The following RABGAP1L variants were observed in gnomAD, a reference collection of about 807,000 sequenced individuals.
The protein encoded by RABGAP1L is rab GTPase-activating protein 1-like.
RABGAP1L carries 63 observed loss-of-function variants against 137.7 expected under a neutral mutation model. The ratio of observed to expected loss-of-function variants is 0.46; its 90% CI spans 0.37 to 0.56. The LOEUF (loss-of-function observed/expected upper bound fraction) is 0.56. Among genes scored for constraint, RABGAP1L ranks in the 20% least tolerant of loss-of-function variants. RABGAP1L has a pLI of 0.00. For synonymous variants in RABGAP1L, 431 were observed against 433.7 expected (o/e 0.99, Z 0.08); for missense variants, 1,095 against 1,244.0 (o/e 0.88, Z 1.80).
At chr1:174,765,601 T>A (rs978038018) in intron 18 of RABGAP1L, among the ~76,000 whole-genome samples, 6 of 146,196 alleles carry the variant, frequency 4.1e-5, no homozygotes, top group African/African-American at 1.5e-4. Flanking sequence ...TCCAGCAAAT[T>A]TTTTTTTTTT....
intron 13 of RABGAP1L, among the ~76,000 whole-genome samples, chr1:174,578,361 T>A (rs1172630778): frequency 6.6e-6 from 1 of 152,092 alleles, no homozygotes; most frequent in Non-Finnish European, 1.5e-5. Flanking sequence ...ATTTTTTGAT[T>A]TTTTTATAGA....
In RABGAP1L at chr1:174,435,961, C is replaced by T. The variant is rs149787085; in HGVS notation, c.1710+41816C>T. Among the ~76,000 whole-genome samples, 164 of 152,184 alleles carry T rather than the reference C, an allele frequency of 1.1e-3. 1 individual carries two copies. Among genetic ancestry groups the T allele is most frequent in the Admixed American group, 8.5e-3 (130 of 15,288 alleles). ...GAGAATGATGGTTTCCAGCTTCATC[C>T]GTGTCCCTACAAAGGACATGAACTC... On this transcript the variant is annotated intron_variant, in intron 13 of 25. Transcript: ENST00000681986.
intron 3 of RABGAP1L, among the ~76,000 whole-genome samples, chr1:174,230,159 A>G (rs1670518031): frequency 6.6e-6 from 1 of 151,398 alleles, no homozygotes; most frequent in Non-Finnish European, 1.5e-5. Context: ...AAAAAACCAA[A>G]CACCGCATGT....
intron 19 of RABGAP1L, among the ~76,000 whole-genome samples, chr1:174,820,391 A>G (rs1338634159): frequency 6.6e-6 from 1 of 152,130 alleles, no homozygotes; most frequent in Non-Finnish European, 1.5e-5. Context: ...ATTTCAAGCT[A>G]CCAATGACTT....
At chr1:174,923,389 A>G (rs1022161650) in intron 19 of RABGAP1L, among the ~76,000 whole-genome samples, 4 of 152,162 alleles carry the variant, frequency 2.6e-5, no homozygotes, top group Non-Finnish European at 4.4e-5. Context: ...AAGACATGTC[A>G]AGTGTATATG....
chr1:174,249,701 G>T lies in RABGAP1L; in HGVS notation c.718-774G>T, dbSNP rs189323040. On this transcript the variant is annotated intron_variant, in intron 5 of 25. Coordinates refer to ENST00000681986, the MANE Select transcript of RABGAP1L (RefSeq NM_001366446.1). ...TGCTCTGTCACCCAGGCTGGAGTGC[G>T]GTGGTGCAATGGCTCACTGCAACCT... 1.2e-3 allele frequency among the ~76,000 whole-genome samples: 175 copies of T among 149,770 alleles called. 1 individual carries two copies. The highest frequency in any genetic ancestry group is 4.2e-3 in the African/African-American group (171 of 40,614).
At chr1:174,651,532 A>G (rs1205190762) in intron 14 of RABGAP1L, among the ~76,000 whole-genome samples, 1 of 152,116 alleles carries the variant, frequency 6.6e-6, no homozygotes, top group East Asian at 1.9e-4. Flanking sequence ...TATTGGGTGC[A>G]TATATATTTA....
At chr1:174,968,163 A>G (rs1669808296) in intron 20 of RABGAP1L, among the ~76,000 whole-genome samples, 1 of 152,248 alleles carries the variant, frequency 6.6e-6, no homozygotes, top group Non-Finnish European at 1.5e-5. Flanking sequence ...TAGAAGATAC[A>G]ATTAACTTCA....
At chr1:174,526,258 A>G (rs567770037) in intron 13 of RABGAP1L, among the ~76,000 whole-genome samples, 8 of 151,980 alleles carry the variant, frequency 5.3e-5, no homozygotes, top group Non-Finnish European at 5.9e-5. Flanking sequence ...AGGATTTTAC[A>G]TCTGTGTTCT....
intron 18 of RABGAP1L, among the ~76,000 whole-genome samples, chr1:174,787,590 G>A (rs904664511): frequency 6.6e-6 from 1 of 152,170 alleles, no homozygotes; most frequent in African/African-American, 2.4e-5. Flanking sequence ...GGGTCAAGGT[G>A]ACAGATGCAA....
chr1:174,290,312 A>G (rs1307401246), intron 10 of RABGAP1L, among the ~76,000 whole-genome samples: 2 of 152,186 alleles, frequency 1.3e-5, no homozygotes, highest in African/African-American at 4.8e-5. Flanking sequence ...AAGAGATATA[A>G]TTTGGCCTTT....
intron 13 of RABGAP1L, among the ~76,000 whole-genome samples, chr1:174,624,090 C>G (rs1335275342): frequency 1.3e-5 from 2 of 152,186 alleles, no homozygotes; most frequent in South Asian, 2.1e-4. Context: ...TCTCTCTCAA[C>G]TTGTTCTTTT....
At chr1:174,904,110 G>A (rs899302510) in intron 19 of RABGAP1L, among the ~76,000 whole-genome samples, 3 of 152,024 alleles carry the variant, frequency 2.0e-5, no homozygotes, top group Admixed American at 6.6e-5. Flanking sequence ...CAGTCAGTAG[G>A]AGAACTGAAC....
intron 14 of RABGAP1L, among the ~76,000 whole-genome samples, chr1:174,678,873 G>T (rs1467084693): frequency 6.6e-6 from 1 of 152,260 alleles, no homozygotes; most frequent in Non-Finnish European, 1.5e-5. Flanking sequence ...TGGATCAGGA[G>T]CACAGCAGAC....
chr1:174,604,957 A>G (rs1670671605), intron 13 of RABGAP1L, among the ~76,000 whole-genome samples: 1 of 152,134 alleles, frequency 6.6e-6, no homozygotes, highest in Non-Finnish European at 1.5e-5. Flanking sequence ...CCTGGCCAAC[A>G]TTGTGAAACC....
At chr1:174,610,797 G>C (rs1671169388) in intron 13 of RABGAP1L, among the ~76,000 whole-genome samples, 2 of 152,158 alleles carry the variant, frequency 1.3e-5, no homozygotes, top group African/African-American at 4.8e-5. Flanking sequence ...GCATTTCTCT[G>C]ATGGCCAGTG....
intron 13 of RABGAP1L, among the ~76,000 whole-genome samples, chr1:174,582,470 TG>T (rs1290038010): frequency 6.6e-6 from 1 of 152,024 alleles, no homozygotes; most frequent in East Asian, 1.9e-4. Context: ...AACCTGGCAG[TG>T]GTGCGTGCCT....
chr1:174,755,000 A>G (rs1244477258), intron 18 of RABGAP1L, among the ~76,000 whole-genome samples: 1 of 152,220 alleles, frequency 6.6e-6, no homozygotes, highest in East Asian at 1.9e-4. Context: ...TAGAATAGTA[A>G]TGGTATTAGC....
intron 11 of RABGAP1L, among the ~76,000 whole-genome samples, chr1:174,352,512 C>T (rs369705543): frequency 7.9e-5 from 12 of 152,112 alleles, no homozygotes; most frequent in East Asian, 3.8e-4. Context: ...TTTCTCAGAG[C>T]AGCTATTTCG....
Sources: gnomAD v4.1 joint callset for allele counts (sites outside exome capture counted in the v4.1 genomes callset) on GRCh38, gnomAD v4.1.1 for gene constraint, MANE v1.5 for transcripts, NCBI Gene and HGNC (gene_info 2026-07-23, HGNC 2026-07-21) for gene names.